IMPDH1: variants seen among roughly 807,000 people sequenced by gnomAD.
IMPDH1 encodes the protein inosine monophosphate dehydrogenase 1.
IMPDH1 carries 41 observed loss-of-function variants against 73.5 expected under a neutral mutation model. The observed-to-expected ratio is 0.56, with a 90% CI of 0.43 to 0.72. The LOEUF is 0.72. Among genes scored for constraint, IMPDH1 ranks in the 30% least tolerant of loss-of-function variants. The pLI is 0.00. For missense variants in IMPDH1, 645 were observed against 824.8 expected (o/e 0.78, Z 2.67); for synonymous variants, 318 against 334.3 (o/e 0.95, Z 0.53).
chr7:128,406,011 G>A (rs1272335288), intron 3 of IMPDH1, 146 bp from the exon 4 acceptor site: 3 of 448,202 alleles, frequency 6.7e-6, no homozygotes, highest in African/African-American at 2.2e-5. Flanking sequence ...CGGGGGCTGC[G>A]GCAGCGGCAG....
At chr7:128,401,559 G>C (rs1798338701) in intron 5 of IMPDH1, among the ~76,000 whole-genome samples, 1 of 152,158 alleles carries the variant, frequency 6.6e-6, no homozygotes, top group Non-Finnish European at 1.5e-5. Context: ...GGAGAGGCAG[G>C]AGGAAGGCAG....
At position 128,398,555 on chromosome 7, in the gene IMPDH1, G is replaced by T. The variant is rs1225494643; in HGVS notation, c.933C>A (p.Asp311Glu). ...GAGGGTAGTCTCGGTTCTTCTTCAGGTCGGTGCGGGCGATGATGGCCACCA... is the reference window on the plus strand; with the variant it reads ...GAGGGTAGTCTCGGTTCTTCTTCAGTTCGGTGCGGGCGATGATGGCCACCA... ...DELVAIIART[D>E]LKKNRDYPLA... is the part of the protein sequence containing the mutation. Residue 311 changes from aspartate (D) to glutamate (E), a missense_variant, in exon 10 of 17, where the codon GAC becomes GAA. Around this residue, in one of 2 missense-constraint regions of IMPDH1, gnomAD observed 459 missense variants for 638.2 expected, o/e 0.72. Coordinates refer to ENST00000338791, the MANE Select transcript of IMPDH1 (RefSeq NM_000883.4). This position sits in a 1 kb window ranked among gnomAD's most constrained non-coding sequence, Gnocchi z 4.3. The T allele has an allele frequency of 6.2e-7, 1 of 1,613,328 alleles. No individual in the cohort carries two copies.
intron 16 of IMPDH1, 132 bp from the exon 17 acceptor site, chr7:128,393,160 G>T (rs532403718): frequency 2.0e-6 from 2 of 1,002,346 alleles, no homozygotes; most frequent in Non-Finnish European, 3.1e-6. Context: ...TCAGCCGTAC[G>T]GCGCAGGAGG....
At chr7:128,405,991 G>C in intron 3 of IMPDH1, 126 bp from the exon 4 acceptor site, 1 of 618,718 alleles carries the variant, frequency 1.6e-6, no homozygotes, top group Non-Finnish European at 2.0e-6. Flanking sequence ...GGGCGGGCCG[G>C]GGGCGGGGGC....
In IMPDH1 at chr7:128,404,641, T is replaced by C. The variant is rs187332363; in HGVS notation, c.354-887A>G. Among the ~76,000 whole-genome samples the C allele has an allele frequency of 2.7e-4, 41 of 152,148 alleles. No homozygotes were observed. The East Asian group carries it at 7.0e-3, about 26-fold the overall frequency. Reference sequence around the variant, plus strand: ...CCACAGGGTGGAGGGGGGTGGGTCATTAATCTGCCCTAAGGCCTAGAGAAA... The same window carrying C: ...CCACAGGGTGGAGGGGGGTGGGTCACTAATCTGCCCTAAGGCCTAGAGAAA... On this transcript the variant is annotated intron_variant, in intron 4 of 16. Transcript: ENST00000338791.
chr7:128,396,253 T>C lies in IMPDH1; in HGVS notation c.1261+347A>G, dbSNP rs1797905346. ...CAGGTGTATAACATATCTTTATATA[T>C]TCAGGGACATGTCGTCTCTGTGTCT... On this transcript the variant is annotated intron_variant, in intron 12 of 16. Transcript: ENST00000338791. This position sits in a 1 kb window ranked among gnomAD's most constrained non-coding sequence, Gnocchi z 4.0. 6.6e-6 allele frequency among the ~76,000 whole-genome samples: 1 copy of C among 152,222 alleles called. No homozygotes were observed. Among genetic ancestry groups the C allele is most frequent in the African/African-American group, 2.4e-5 (1 of 41,450 alleles).
At chr7:128,399,949 T>C (rs1458088008) in intron 9 of IMPDH1, 146 bp downstream of exon 9, 5 of 761,064 alleles carry the variant, frequency 6.6e-6, no homozygotes, top group African/African-American at 1.7e-5. Flanking sequence ...ATGGCAGGAG[T>C]TGTGCTCTGG....
chr7:128,399,994 C>G, intron 9 of IMPDH1, 101 bp downstream of exon 9: 2 of 931,502 alleles, frequency 2.1e-6, no homozygotes, highest in Non-Finnish European at 3.5e-6. Context: ...CCCCAGGGCT[C>G]AGTCTGGTTG....
chr7:128,393,272 C>A (rs536481696), intron 16 of IMPDH1, among the ~76,000 whole-genome samples: 1 of 152,344 alleles, frequency 6.6e-6, no homozygotes, highest in East Asian at 1.9e-4. Context: ...GGGCCATCGC[C>A]ACATCTGAGT....
intron 5 of IMPDH1, among the ~76,000 whole-genome samples, chr7:128,403,021 G>A (rs186685121): frequency 2.2e-4 from 34 of 152,220 alleles, no homozygotes; most frequent in Non-Finnish European, 1.5e-4. Context: ...CAGCATTCCA[G>A]ACAAAATCCA....
At chr7:128,401,399 C>G (rs898817674) in intron 5 of IMPDH1, among the ~76,000 whole-genome samples, 16 of 152,322 alleles carry the variant, frequency 1.1e-4, no homozygotes, top group African/African-American at 3.8e-4. Flanking sequence ...AAGCCTCTTT[C>G]CTGGGAGGTG....
intron 1 of IMPDH1, 53 bp from the exon 2 acceptor site, chr7:128,409,537 G>A (rs1798999157): frequency 6.3e-7 from 1 of 1,598,146 alleles, no homozygotes; most frequent in Admixed American, 1.7e-5. Flanking sequence ...CCGCTCCCCC[G>A]TGCAACGAAG....
At chr7:128,404,448 G>A (rs543965359) in intron 4 of IMPDH1, among the ~76,000 whole-genome samples, 330 of 152,324 alleles carry the variant, frequency 2.2e-3, no homozygotes, top group African/African-American at 7.8e-3. Context: ...GGGAAGTGCA[G>A]GCCTGCATGG....
chr7:128,404,211 C>T (rs962196180), intron 4 of IMPDH1, among the ~76,000 whole-genome samples: 2 of 152,162 alleles, frequency 1.3e-5, no homozygotes, highest in African/African-American at 4.8e-5. Flanking sequence ...CAGGACAGTC[C>T]GCATGCCCCG....
chr7:128,409,138 C>A, intron 3 of IMPDH1, 151 bp downstream of exon 3: 1 of 739,576 alleles, frequency 1.4e-6, no homozygotes, highest in Non-Finnish European at 2.4e-6. Flanking sequence ...CCCCCTGGGG[C>A]CCAGCTCACT....
rs1416538799 is a variant in IMPDH1 at position 128,409,850 on chromosome 7, C to T, written c.52G>A (p.Val18Ile). 6.7e-7 allele frequency: 1 copy of T among 1,492,144 alleles called. No homozygotes were observed. The highest frequency in any genetic ancestry group is 8.9e-7 in the Non-Finnish European group (1 of 1,127,774). The allele number at this position is 1,492,144 out of a possible 1,614,324, so 92.4% of individuals were successfully genotyped here. A position where few individuals can be genotyped will look rare whatever the true frequency, so the allele number is the denominator to read the frequency against. ...PPLQGGGAAA[V>I]PEPGARQHPG... is the part of the protein sequence containing the mutation. ...TGTTGCCGGGCTCCGGGCTCCGGAA[C>T]AGCGGCGGCTCCGCCTCCCTGCAGC... Residue 18 changes from valine (V) to isoleucine (I), a missense_variant, in exon 1 of 17, where the codon GTT becomes ATT. Val to Ile is a conservative substitution (Grantham distance 29, BLOSUM62 3). Around this residue, in one of 2 missense-constraint regions of IMPDH1, gnomAD observed 186 missense variants for 186.6 expected, o/e 1.00. Transcript: ENST00000338791.
chr7:128,397,258 A>G (rs1040629578), intron 10 of IMPDH1, among the ~76,000 whole-genome samples: 6 of 151,744 alleles, frequency 4.0e-5, no homozygotes, highest in Non-Finnish European at 8.8e-5. Flanking sequence ...CTTAGAGTAC[A>G]TAAGGCCTTT....
chr7:128,396,704 G>T lies in IMPDH1; in HGVS notation c.1166-9C>A, dbSNP rs1797940868. 1 of 1,549,674 alleles carries T rather than the reference G, an allele frequency of 6.5e-7. No homozygotes were observed. The highest frequency in any genetic ancestry group is 8.7e-7 in the Non-Finnish European group (1 of 1,145,072). ...CTGGGCTGCTGTCACCACTGGGGGT[G>T]GGGATGGGGCAGAGGAACAATGTGA... On this transcript the variant is annotated splice_polypyrimidine_tract_variant and intron_variant, in intron 11 of 16. Coordinates refer to ENST00000338791, the MANE Select transcript of IMPDH1 (RefSeq NM_000883.4). This position sits in a 1 kb window ranked among gnomAD's most constrained non-coding sequence, Gnocchi z 4.0.
At chr7:128,405,716 G>C (rs752900566) in intron 4 of IMPDH1, 51 bp downstream of exon 4, 9 of 1,512,854 alleles carry the variant, frequency 5.9e-6, no homozygotes, top group Non-Finnish European at 3.5e-6. Flanking sequence ...CCGGCCCGGG[G>C]GTCGCGGCGC....
Sources: allele counts gnomAD v4.1 joint callset (sites outside exome capture counted in the v4.1 genomes callset), GRCh38; gene constraint gnomAD v4.1.1; regional missense constraint gnomAD v4.1.1; non-coding constraint Gnocchi (gnomAD v3.1); transcripts MANE v1.5; gene names NCBI Gene and HGNC (gene_info 2026-07-23, HGNC 2026-07-21).